RUNDC3B: variants seen among roughly 807,000 people sequenced by gnomAD.
The protein encoded by RUNDC3B is RUN domain-containing protein 3B.
Under a neutral mutation model 58.4 loss-of-function variants are expected in RUNDC3B, and 33 were observed. The observed-to-expected ratio is 0.56, with a 90% CI of 0.43 to 0.75. RUNDC3B has a LOEUF of 0.75. RUNDC3B is among the 30% of genes least tolerant of loss of function. The probability of loss-of-function intolerance (pLI) is 0.00; values close to 1 mark genes in which losing one functional copy is unlikely to be tolerated. For synonymous variants in RUNDC3B, 193 were observed against 195.2 expected (o/e 0.99, Z 0.10); for missense variants, 501 against 535.7 (o/e 0.94, Z 0.64).
intron 2 of RUNDC3B, among the ~76,000 whole-genome samples, chr7:87,677,493 A>G (rs1826494753): frequency 6.6e-6 from 1 of 152,134 alleles, no homozygotes. Flanking sequence ...AGTAACAGAG[A>G]GTAAAATGTT....
At chr7:87,639,533 A>G (rs1170497941) in intron 1 of RUNDC3B, among the ~76,000 whole-genome samples, 2 of 151,900 alleles carry the variant, frequency 1.3e-5, no homozygotes, top group Admixed American at 6.6e-5. Flanking sequence ...TTCTCCTTTT[A>G]GTTTTGTGAT....
At chr7:87,749,493 G>A (rs918687922) in intron 6 of RUNDC3B, among the ~76,000 whole-genome samples, 2 of 152,122 alleles carry the variant, frequency 1.3e-5, no homozygotes, top group Non-Finnish European at 2.9e-5. Flanking sequence ...TCATAAGCCA[G>A]TTAGCATCAC....
chr7:87,822,264 G>A (rs1490038764), intron 10 of RUNDC3B, among the ~76,000 whole-genome samples: 1 of 152,192 alleles, frequency 6.6e-6, no homozygotes, highest in Non-Finnish European at 1.5e-5. Context: ...AGACATTTAT[G>A]CAGCCAAAAA....
intron 2 of RUNDC3B, among the ~76,000 whole-genome samples, chr7:87,651,268 C>A (rs146439624): frequency 2.0e-5 from 3 of 152,126 alleles, no homozygotes; most frequent in East Asian, 1.9e-4. Flanking sequence ...GCATTCCAGG[C>A]ATTATGTTTA....
intron 6 of RUNDC3B, among the ~76,000 whole-genome samples, chr7:87,766,002 AG>A (rs1279427274): frequency 6.6e-6 from 1 of 152,156 alleles, no homozygotes; most frequent in African/African-American, 2.4e-5. Flanking sequence ...TATTTAGAAC[AG>A]TTAAATCTTC....
At chr7:87,793,844 G>A (rs965069148) in intron 8 of RUNDC3B, among the ~76,000 whole-genome samples, 1 of 152,038 alleles carries the variant, frequency 6.6e-6, no homozygotes, top group African/African-American at 2.4e-5. Context: ...AGCAATCAGA[G>A]AAGGGAAAGA....
At chr7:87,632,334 A>G (rs1563088098) in intron 1 of RUNDC3B, among the ~76,000 whole-genome samples, 1 of 152,230 alleles carries the variant, frequency 6.6e-6, no homozygotes, top group Non-Finnish European at 1.5e-5. Context: ...AGATAATCAG[A>G]TAAAGAGCTG....
intron 6 of RUNDC3B, among the ~76,000 whole-genome samples, chr7:87,748,644 C>T (rs546495813): frequency 3.3e-5 from 5 of 152,186 alleles, no homozygotes; most frequent in African/African-American, 1.2e-4. Context: ...GAGTGCCTAA[C>T]CATAGGACAA....
chr7:87,710,139 T>G (rs1314669821), intron 3 of RUNDC3B, among the ~76,000 whole-genome samples: 1 of 152,204 alleles, frequency 6.6e-6, no homozygotes, highest in Admixed American at 6.5e-5. Context: ...TTGAAAATTT[T>G]CTTAAATAAG....
intron 2 of RUNDC3B, among the ~76,000 whole-genome samples, chr7:87,696,357 G>T (rs1292886955): frequency 6.6e-6 from 1 of 151,962 alleles, no homozygotes; most frequent in Non-Finnish European, 1.5e-5. Context: ...TTGTAACTTT[G>T]TTTTTAAATT....
intron 4 of RUNDC3B, among the ~76,000 whole-genome samples, chr7:87,720,012 A>G (rs1438437126): frequency 6.6e-6 from 1 of 150,996 alleles, no homozygotes; most frequent in African/African-American, 2.4e-5. Flanking sequence ...AAAAAGAGAA[A>G]GAAAAACTTT....
intron 9 of RUNDC3B, among the ~76,000 whole-genome samples, chr7:87,811,635 C>T (rs748985118): frequency 5.9e-5 from 9 of 152,058 alleles, no homozygotes; most frequent in South Asian, 2.1e-4. Flanking sequence ...TGAGCCACCG[C>T]GCACGGCTGG....
chr7:87,700,583 A>AT (rs201077909), intron 3 of RUNDC3B, 29 bp downstream of exon 3: 7,877 of 1,414,140 alleles, frequency 5.6e-3, no homozygotes, highest in South Asian at 7.6e-3. Context: ...ACTCGTTTCT[A>AT]TTTTTTTTTT....
At chr7:87,829,607 T>C (rs889226457) in intron 10 of RUNDC3B, among the ~76,000 whole-genome samples, 1 of 152,138 alleles carries the variant, frequency 6.6e-6, no homozygotes, top group African/African-American at 2.4e-5. Flanking sequence ...TTAGTTGATG[T>C]GATGCTTCTA....
At chr7:87,702,796 T>G (rs1378892273) in intron 3 of RUNDC3B, among the ~76,000 whole-genome samples, 1 of 152,148 alleles carries the variant, frequency 6.6e-6, no homozygotes, top group Non-Finnish European at 1.5e-5. Flanking sequence ...AGCATCACCA[T>G]GATGTTCAAA....
intron 8 of RUNDC3B, among the ~76,000 whole-genome samples, chr7:87,801,282 G>C (rs999324156): frequency 1.3e-5 from 2 of 152,062 alleles, no homozygotes; most frequent in African/African-American, 4.8e-5. Context: ...AGAAAGAAAG[G>C]GTATTCTGGG....
chr7:87,772,676 C>T (rs1408257018), intron 7 of RUNDC3B, among the ~76,000 whole-genome samples: 1 of 151,648 alleles, frequency 6.6e-6, no homozygotes, highest in African/African-American at 2.4e-5. Context: ...ATAAGGAAAG[C>T]TTGATCGATA....
chr7:87,632,429 A>G (rs1213945468), intron 1 of RUNDC3B, among the ~76,000 whole-genome samples: 1 of 152,190 alleles, frequency 6.6e-6, no homozygotes, highest in Non-Finnish European at 1.5e-5. Context: ...TTGTAGACTA[A>G]AAACATTTGC....
chr7:87,712,702 A>G (rs796554081), intron 4 of RUNDC3B, among the ~76,000 whole-genome samples: 18 of 152,172 alleles, frequency 1.2e-4, no homozygotes, highest in African/African-American at 4.3e-4. Context: ...ATGCTTTTTC[A>G]TAGAAAGGAA....
Sources: gnomAD v4.1 joint callset for allele counts (sites outside exome capture counted in the v4.1 genomes callset) on GRCh38, gnomAD v4.1.1 for gene constraint, MANE v1.5 for transcripts, NCBI Gene and HGNC (gene_info 2026-07-23, HGNC 2026-07-21) for gene names.